The following ALMS1 variants were observed in gnomAD, a reference collection of about 807,000 sequenced individuals.
ALMS1 encodes centrosome-associated protein ALMS1.
In ALMS1, 271 loss-of-function variants were observed where a neutral mutation model predicts 352.2. That is an observed-to-expected ratio of 0.77 (90% CI 0.70 to 0.85). ALMS1 has a LOEUF of 0.85. ALMS1 is among the 40% of genes least tolerant of loss of function. The pLI, the probability that ALMS1 is intolerant of heterozygous loss-of-function variation, is 0.00. For synonymous variants in ALMS1, 1,865 were observed against 1,761.2 expected, an observed-to-expected ratio of 1.06 and a Z score of -1.48; for missense variants, 5,445 against 4,870.7, an observed-to-expected ratio of 1.12 and a Z score of -3.51.
intron 10 of ALMS1, among the ~76,000 whole-genome samples, chr2:73,510,633 G>A (rs928894348): frequency 6.6e-6 from 1 of 152,198 alleles, no homozygotes; most frequent in Non-Finnish European, 1.5e-5. Context: ...GGGCTCTCCT[G>A]TGTGAGGTGT....
At chr2:73,425,022 T>C in intron 5 of ALMS1, 120 bp downstream of exon 5, 1 of 793,448 alleles carries the variant, frequency 1.3e-6, no homozygotes, top group African/African-American at 1.8e-5. Flanking sequence ...AGAGGGAACT[T>C]TGCACCACCC....
chr2:73,528,372 G>T (rs1673838079), intron 11 of ALMS1, among the ~76,000 whole-genome samples: 1 of 152,128 alleles, frequency 6.6e-6, no homozygotes, highest in Admixed American at 6.6e-5. Flanking sequence ...CTCTTTAGCT[G>T]TAAGAATACT....
intron 10 of ALMS1, among the ~76,000 whole-genome samples, chr2:73,501,585 C>T (rs1320332773): frequency 6.6e-6 from 1 of 151,942 alleles, no homozygotes; most frequent in Non-Finnish European, 1.5e-5. Flanking sequence ...TAGTTGGAAC[C>T]TTGGTCAAAA....
chr2:73,401,812 T>C (rs1043226849), intron 1 of ALMS1, among the ~76,000 whole-genome samples: 1 of 152,186 alleles, frequency 6.6e-6, no homozygotes, highest in Admixed American at 6.5e-5. Flanking sequence ...TACCTGCAAC[T>C]TTGAATCCTC....
intron 16 of ALMS1, among the ~76,000 whole-genome samples, chr2:73,578,670 A>G (rs1573035347): frequency 6.6e-6 from 1 of 152,160 alleles, no homozygotes; most frequent in African/African-American, 2.4e-5. Flanking sequence ...CCTTAACTTT[A>G]ATAATACACA....
intron 12 of ALMS1, among the ~76,000 whole-genome samples, chr2:73,535,179 G>T (rs1273384912): frequency 6.6e-6 from 1 of 152,108 alleles, no homozygotes; most frequent in African/African-American, 2.4e-5. Flanking sequence ...ATTTGGGTTA[G>T]TGGGCTCCAT....
intron 11 of ALMS1, among the ~76,000 whole-genome samples, chr2:73,524,644 G>T (rs1043110205): frequency 2.2e-4 from 33 of 151,936 alleles, no homozygotes; most frequent in Admixed American, 2.2e-3. Flanking sequence ...GTAGAGAAAG[G>T]GTTTCACCAT....
rs756956183 is a variant in ALMS1 at position 73,385,868 on chromosome 2, C to T, written c.-1C>T. The T allele has an allele frequency of 1.1e-5, 8 of 750,184 alleles. No homozygotes were observed. In the South Asian group the frequency reaches 1.2e-4, roughly 11 times the overall value. 46.5% of individuals were successfully genotyped at this position (750,184 alleles called of 1,614,324 possible). A position where few individuals can be genotyped will look rare whatever the true frequency, so the allele number is the denominator to read the frequency against. ...TCTGCCGCCCAGAGCGAGACACCAACATGGAGCCCGAGGATCTGCCATGGC... is the reference window on the plus strand; with the variant it reads ...TCTGCCGCCCAGAGCGAGACACCAATATGGAGCCCGAGGATCTGCCATGGC... On this transcript the variant is annotated 5_prime_UTR_variant, in exon 1 of 23. Transcript: ENST00000613296.
At chr2:73,386,881 T>G (rs1255836475) in intron 1 of ALMS1, among the ~76,000 whole-genome samples, 1 of 152,144 alleles carries the variant, frequency 6.6e-6, no homozygotes, top group African/African-American at 2.4e-5. Context: ...CTTACCCCCC[T>G]TTTTTTAACT....
At chr2:73,598,521 T>G (rs1337806154) in intron 16 of ALMS1, among the ~76,000 whole-genome samples, 1 of 152,222 alleles carries the variant, frequency 6.6e-6, no homozygotes, top group Non-Finnish European at 1.5e-5. Flanking sequence ...TACAAGTTTC[T>G]TTGTGACTCT....
intron 9 of ALMS1, among the ~76,000 whole-genome samples, chr2:73,478,957 G>T (rs1233696739): frequency 6.6e-6 from 1 of 152,054 alleles, no homozygotes; most frequent in African/African-American, 2.4e-5. Flanking sequence ...TTCTGTTCCT[G>T]TGTTAGTTTG....
intron 13 of ALMS1, among the ~76,000 whole-genome samples, chr2:73,555,997 C>T (rs773336268): frequency 6.6e-6 from 1 of 152,120 alleles, no homozygotes; most frequent in Non-Finnish European, 1.5e-5. Flanking sequence ...AATTACAAAA[C>T]ATCCTTGATA....
chr2:73,430,649 T>G (rs1572918576), intron 6 of ALMS1, among the ~76,000 whole-genome samples: 1 of 152,192 alleles, frequency 6.6e-6, no homozygotes, highest in African/African-American at 2.4e-5. Flanking sequence ...TTCCTATGTT[T>G]AGATACACAA....
chr2:73,538,739 C>A (rs1353536035), intron 12 of ALMS1, among the ~76,000 whole-genome samples: 1 of 152,212 alleles, frequency 6.6e-6, no homozygotes, highest in Non-Finnish European at 1.5e-5. Context: ...GAGATTATAT[C>A]CCGCACCTGG....
chr2:73,580,577 A>G (rs1233791566), intron 16 of ALMS1, among the ~76,000 whole-genome samples: 2 of 151,982 alleles, frequency 1.3e-5, no homozygotes, highest in African/African-American at 4.8e-5. Flanking sequence ...GACAATTTCT[A>G]TTTATTTCTC....
rs769149404 is a variant in ALMS1, at chr2:73,449,396, C to T, written c.2869C>T (p.His957Tyr). The change falls in exon 8 of 23, where the codon CAT becomes TAT. Residue 957 changes from histidine to tyrosine, a missense_variant. Transcript: ENST00000613296. ...TPTVSSNSHS[H>Y]SEKSSVFYQQ... ...AACAGTGTCCTCTAATTCTCACTCA[C>T]ATAGCGAGAAATCTAGTGTTTTCTA... 3 of 1,613,970 alleles carry T rather than the reference C, an allele frequency of 1.9e-6. No individual in the cohort carries two copies. Among genetic ancestry groups the T allele is most frequent in the Admixed American group, 1.7e-5 (1 of 59,994 alleles).
intron 16 of ALMS1, among the ~76,000 whole-genome samples, chr2:73,588,720 A>G (rs1466137399): frequency 1.3e-5 from 2 of 152,160 alleles, no homozygotes; most frequent in East Asian, 3.9e-4. Flanking sequence ...ATATTAGCTC[A>G]TGTTTCCAGC....
Position 73,512,391 on chromosome 2 carries a change from ATT to A in ALMS1, c.9540-7371_9540-7370del, listed in dbSNP as rs1306844704. On this transcript the variant is annotated intron_variant, in intron 10 of 22. Transcript: ENST00000613296. ...AGCTACCACGCCTGTCCACTGTCAG[ATT>A]TTTTTTTTTTTTAATTTAGCCTTCC... 1.2e-3 allele frequency among the ~76,000 whole-genome samples: 178 copies of A among 144,412 alleles called. 1 individual carries two copies. Among genetic ancestry groups the A allele is most frequent in the African/African-American group, 3.7e-3 (148 of 39,730 alleles). The allele number at this position is 144,412 out of a possible 152,430, so 94.7% of individuals were successfully genotyped here.
intron 7 of ALMS1, among the ~76,000 whole-genome samples, chr2:73,445,662 T>C (rs1671798102): frequency 6.6e-6 from 1 of 152,098 alleles, no homozygotes; most frequent in Non-Finnish European, 1.5e-5. Flanking sequence ...GCCTTCTGTG[T>C]TACTAAGCAC....
Sources: allele counts gnomAD v4.1 joint callset (sites outside exome capture counted in the v4.1 genomes callset), GRCh38; gene constraint gnomAD v4.1.1; transcripts MANE v1.5; gene names NCBI Gene and HGNC (gene_info 2026-07-23, HGNC 2026-07-21).